NSD1: variants seen among roughly 807,000 people sequenced by gnomAD.
NSD1 encodes histone-lysine N-methyltransferase, H3 lysine-36 specific.
Under a neutral mutation model 242.7 loss-of-function variants are expected in NSD1, and 26 were observed. The ratio of observed to expected loss-of-function variants is 0.11; its 90% CI spans 0.08 to 0.15. NSD1 has a LOEUF of 0.15. Ranked by LOEUF, NSD1 falls within the 10% of genes least tolerant of loss-of-function variation. NSD1 has a pLI of 1.00. For synonymous variants in NSD1, 1,106 were observed against 1,178.1 expected (o/e 0.94, Z 1.25); for missense variants, 2,495 against 3,272.8 (o/e 0.76, Z 5.80).
chr5:177,235,984 A>T, intron 6 of NSD1, 39 bp downstream of exon 6: 1 of 1,609,450 alleles, frequency 6.2e-7, no homozygotes, highest in Non-Finnish European at 8.5e-7. Flanking sequence ...ACTGGTCCTT[A>T]GGAAACTGCA....
intron 2 of NSD1, among the ~76,000 whole-genome samples, chr5:177,170,981 C>T (rs938931412): frequency 2.7e-5 from 4 of 147,882 alleles, no homozygotes; most frequent in Non-Finnish European, 5.9e-5. Flanking sequence ...TTTGTCACTT[C>T]AAAATGAAAC....
chr5:177,149,604 A>G (rs1424550926), intron 2 of NSD1, among the ~76,000 whole-genome samples: 1 of 152,138 alleles, frequency 6.6e-6, no homozygotes, highest in Non-Finnish European at 1.5e-5. Context: ...CAGTTTTTCC[A>G]CAGGTGGGAG....
chr5:177,210,951 A>C lies in NSD1; in HGVS notation c.2552A>C (p.Asp851Ala), dbSNP rs773406992. The C allele has an allele frequency of 6.2e-7, 1 of 1,614,208 alleles. No individual in the cohort carries two copies. Among genetic ancestry groups the C allele is most frequent in the Non-Finnish European group, 8.5e-7 (1 of 1,180,040 alleles). Reference protein sequence around the residue: ...NMHEKTRDSSDIETAVVKHVL... With the variant: ...NMHEKTRDSSAIETAVVKHVL... ...CATGAGAAAACCAGGGATTCAAGTG[A>C]CATAGAAACAGCAGTGGTGAAACAT... Residue 851 changes from aspartate (D) to alanine (A), a missense_variant, in exon 5 of 23, where the codon GAC (aspartate) becomes GCC (alanine). Physicochemically the swap from Asp to Ala is moderately radical, Grantham distance 126 (BLOSUM62 -2). Coordinates refer to ENST00000439151, the MANE Select transcript of NSD1 (RefSeq NM_022455.5).
intron 5 of NSD1, 106 bp downstream of exon 5, chr5:177,212,301 AGC>A: frequency 8.7e-7 from 1 of 1,148,170 alleles, no homozygotes; most frequent in Non-Finnish European, 1.3e-6. Context: ...AGTATAAACT[AGC>A]GGGGAAGAAT....
intron 3 of NSD1, among the ~76,000 whole-genome samples, chr5:177,193,211 G>A (rs182044494): frequency 0.012 from 1,810 of 152,100 alleles, 41 homozygotes; most frequent in Admixed American, 0.041. Flanking sequence ...CGTGATCTCG[G>A]CTCACTGCAA....
At position 177,134,958 on chromosome 5, in the gene NSD1, A is replaced by T. The variant is rs984617455; in HGVS notation, c.-17-129A>T. 3.9e-6 allele frequency: 3 copies of T among 765,946 alleles called. No individual in the cohort carries two copies. Among genetic ancestry groups the T allele is most frequent in the African/African-American group, 3.5e-5 (2 of 57,298 alleles). 47.4% of individuals were successfully genotyped at this position (765,946 alleles called of 1,614,324 possible). ...CATTTTTTCATCTCCAGTCGGGGGAACTTTTTCTGCCCATGGAAGTGCAGC... is the reference window on the plus strand; with the variant it reads ...CATTTTTTCATCTCCAGTCGGGGGATCTTTTTCTGCCCATGGAAGTGCAGC... On this transcript the variant is annotated intron_variant, in intron 1 of 22. Coordinates refer to ENST00000439151, the MANE Select transcript of NSD1 (RefSeq NM_022455.5). This position sits in a 1 kb window ranked among gnomAD's most constrained non-coding sequence, Gnocchi z 4.2.
At chr5:177,166,514 C>T (rs937580914) in intron 2 of NSD1, among the ~76,000 whole-genome samples, 5 of 150,912 alleles carry the variant, frequency 3.3e-5, no homozygotes, top group Non-Finnish European at 7.4e-5. Context: ...CACTGCACTC[C>T]AGCCTGGGTA....
rs114862400 is a variant in NSD1 at position 177,250,706 on chromosome 5, T to G, written c.4642-1024T>G. On this transcript the variant is annotated intron_variant, in intron 11 of 22. Transcript: ENST00000439151. ...ATTTGAGGATATCTCAGACTATAGGTTGATAAAGTCCCTGAGTTCCCCTAT... is the reference window on the plus strand; with the variant it reads ...ATTTGAGGATATCTCAGACTATAGGGTGATAAAGTCCCTGAGTTCCCCTAT... Among the ~76,000 whole-genome samples the G allele has an allele frequency of 9.6e-3, 1,469 of 152,268 alleles. 9 individuals are homozygous for G. The highest frequency in any genetic ancestry group is 0.027 in the Middle Eastern group (8 of 294).
intron 4 of NSD1, among the ~76,000 whole-genome samples, chr5:177,207,622 T>TTA: frequency 6.9e-6 from 1 of 145,016 alleles, no homozygotes; most frequent in Non-Finnish European, 1.5e-5. Flanking sequence ...TTTTTTTTTT[T>TTA]AGAGAAGGGG....
Position 177,246,674 on chromosome 5 carries a change from A to T in NSD1, c.4379-4A>T. The T allele has an allele frequency of 1.9e-6, 3 of 1,606,316 alleles. No homozygotes were observed. The highest frequency in any genetic ancestry group is 2.6e-6 in the Non-Finnish European group (3 of 1,172,970). ...AGCAGTTAACACCTATTTTCCTGTC[A>T]TAGGCACTACCAAGATATTTGACAA... On this transcript the variant is annotated splice_polypyrimidine_tract_variant and splice_region_variant and intron_variant, in intron 9 of 22. Coordinates refer to ENST00000439151, the MANE Select transcript of NSD1 (RefSeq NM_022455.5).
At chr5:177,249,989 G>A (rs945148232) in intron 11 of NSD1, among the ~76,000 whole-genome samples, 5 of 152,192 alleles carry the variant, frequency 3.3e-5, no homozygotes, top group Non-Finnish European at 1.5e-5. Context: ...GGAGGCTGAG[G>A]TCATTGGATC....
At chr5:177,252,481 T>C (rs1756052471) in intron 12 of NSD1, among the ~76,000 whole-genome samples, 2 of 148,528 alleles carry the variant, frequency 1.3e-5, no homozygotes, top group Non-Finnish European at 3.0e-5. Flanking sequence ...AAAATAGGAA[T>C]AGTCAGCTGA....
Position 177,282,536 on chromosome 5 carries a change from T to C in NSD1, c.5964T>C (p.Ala1988=), listed in dbSNP as rs2127260777. Residue 1988 remains alanine (A), a synonymous_variant, in exon 19 of 23, where the codon GCT becomes GCC. Coordinates refer to ENST00000439151, the MANE Select transcript of NSD1 (RefSeq NM_022455.5). Reference sequence around the variant, plus strand: ...AATGCAGAGCTCGAATTCGCTATGCTCAAGAACATGATATCACTAATTTCT... The same window carrying C: ...AATGCAGAGCTCGAATTCGCTATGCCCAAGAACATGATATCACTAATTTCT... The part of the protein sequence containing the change: ...EEECRARIRY[A]QEHDITNFYM... 1 of 1,613,778 alleles carries C rather than the reference T, an allele frequency of 6.2e-7. No homozygotes were observed. Among genetic ancestry groups the C allele is most frequent in the Non-Finnish European group, 8.5e-7 (1 of 1,179,674 alleles).
chr5:177,137,663 G>A (rs746627274), intron 2 of NSD1, among the ~76,000 whole-genome samples: 1 of 152,064 alleles, frequency 6.6e-6, no homozygotes, highest in East Asian at 1.9e-4. Flanking sequence ...TATATATATC[G>A]TGTCTTTGTT....
rs1004532247 is a variant in NSD1, at chr5:177,282,341, A to C, written c.5893-124A>C. The C allele has an allele frequency of 9.0e-6, 7 of 776,074 alleles. No homozygotes were observed. In the African/African-American group the frequency reaches 1.2e-4, roughly 13 times the overall value. The allele number at this position is 776,074 out of a possible 1,614,324, so 48.1% of individuals were successfully genotyped here. ...ATCGTAAAGTAATTATGTGTGCCTA[A>C]AATTATACTCATGTAATCTGCTTTG... On this transcript the variant is annotated intron_variant, in intron 18 of 22. Transcript: ENST00000439151.
chr5:177,158,238 T>TTTCC (rs1758300930), intron 2 of NSD1, among the ~76,000 whole-genome samples: 3 of 35,216 alleles, frequency 8.5e-5, no homozygotes, highest in African/African-American at 2.8e-4. Flanking sequence ...TGGGTTCTAA[T>TTTCC]TTCTTTCTTT....
In NSD1 at chr5:177,185,585, C is replaced by T. The variant is rs529892610; in HGVS notation, c.928-6299C>T. Among the ~76,000 whole-genome samples the T allele has an allele frequency of 2.6e-3, 381 of 146,364 alleles. 2 individuals carry two copies. Among genetic ancestry groups the T allele is most frequent in the African/African-American group, 6.5e-3 (256 of 39,448 alleles). ...TGCACTCCAGCCTGGGGGATGAGAG[C>T]GAGACTGTCTCAAAAAAACAAAACC... On this transcript the variant is annotated intron_variant, in intron 2 of 22. Coordinates refer to ENST00000439151, the MANE Select transcript of NSD1 (RefSeq NM_022455.5).
In NSD1 at chr5:177,296,862, C is replaced by A. The variant is rs1760289333; in HGVS notation, c.*1403C>A. The A allele has an allele frequency of 4.3e-6, 1 of 233,238 alleles. No homozygotes were observed. Among genetic ancestry groups the A allele is most frequent in the Non-Finnish European group, 8.5e-6 (1 of 118,098 alleles). 14.4% of individuals were successfully genotyped at this position (233,238 alleles called of 1,614,324 possible). A position where few individuals can be genotyped will look rare whatever the true frequency, so the allele number is the denominator to read the frequency against. ...AGTTTCCTCCCACTTGTCTACCCCT[C>A]CTTTGTCCTTAGACCAACATGTTTA... On this transcript the variant is annotated 3_prime_UTR_variant, in exon 23 of 23. Transcript: ENST00000439151.
rs587784069 is a variant in NSD1 at position 177,204,280 on chromosome 5, A to G, written c.1224A>G (p.Gly408=). 1.1e-5 allele frequency: 18 copies of G among 1,613,882 alleles called. No homozygotes were observed. The highest frequency in any genetic ancestry group is 3.3e-5 in the Admixed American group (2 of 60,016). ...GAAGAGGGAAACAGAAAGAAAAAGG[A>G]TATAGGCATAAGGTAGGAAACGAAA... The part of the protein sequence containing the change: ...LRRRGKQKEK[G]YRHKVPQKIL... Residue 408 remains glycine (G), a synonymous_variant, in exon 4 of 23, where the codon GGA becomes GGG. Transcript: ENST00000439151.
Sources: allele counts gnomAD v4.1 joint callset (sites outside exome capture counted in the v4.1 genomes callset), GRCh38; gene constraint gnomAD v4.1.1; non-coding constraint Gnocchi (gnomAD v3.1); transcripts MANE v1.5; gene names NCBI Gene and HGNC (gene_info 2026-07-23, HGNC 2026-07-21).